TRIO: variants seen among roughly 807,000 people sequenced by gnomAD.
TRIO encodes the protein triple functional domain protein.
In TRIO, 58 loss-of-function variants were observed where a neutral mutation model predicts 351.9. That is an observed-to-expected ratio of 0.16 (90% CI 0.13 to 0.21). The LOEUF is 0.21. TRIO is among the 10% of genes least tolerant of loss of function. TRIO has a pLI of 1.00. For missense variants in TRIO, 3,201 were observed against 4,027.8 expected, an observed-to-expected ratio of 0.79 and a Z score of 5.56; for synonymous variants, 1,758 against 1,595.7, an observed-to-expected ratio of 1.10 and a Z score of -2.42.
At chr5:14,343,088 G>A (rs1199584154) in intron 11 of TRIO, among the ~76,000 whole-genome samples, 1 of 64,792 alleles carries the variant, frequency 1.5e-5, no homozygotes, top group African/African-American at 5.4e-5. Context: ...ACAGAAAGTT[G>A]CAAAAAAAAA....
At chr5:14,220,384 C>G in intron 1 of TRIO, among the ~76,000 whole-genome samples, 1 of 152,136 alleles carries the variant, frequency 6.6e-6, no homozygotes. Flanking sequence ...ATTTTTGAGA[C>G]ACAACGATAT....
chr5:14,387,788 A>G lies in TRIO; in HGVS notation c.3822A>G (p.Lys1274=). The G allele has an allele frequency of 6.2e-7, 1 of 1,614,216 alleles. No homozygotes were observed. Among genetic ancestry groups the G allele is most frequent in the Non-Finnish European group, 8.5e-7 (1 of 1,180,032 alleles). The change falls in exon 23 of 57, where the codon AAA becomes AAG. Residue 1274 remains lysine (K), a synonymous_variant. Transcript: ENST00000344204. ...IPASIPGSEV[K]LRDAAHELNE... ...CCAGTATCCCTGGCTCAGAGGTGAA[A>G]CTTCGAGATGCTGCTCATGAACTTA...
chr5:14,272,304 C>T (rs964761692), intron 2 of TRIO, among the ~76,000 whole-genome samples: 20 of 152,160 alleles, frequency 1.3e-4, no homozygotes, highest in African/African-American at 4.3e-4. Context: ...GATAACAGCA[C>T]CTGCTCCCCC....
At chr5:14,175,740 A>T (rs986345849) in intron 1 of TRIO, among the ~76,000 whole-genome samples, 1 of 152,240 alleles carries the variant, frequency 6.6e-6, no homozygotes, top group African/African-American at 2.4e-5. Context: ...ACAATAATGT[A>T]GCCTATTTCT....
chr5:14,269,705 G>T (rs549044235), intron 1 of TRIO, among the ~76,000 whole-genome samples: 1 of 149,878 alleles, frequency 6.7e-6, no homozygotes, highest in East Asian at 2.1e-4. Context: ...GGGCTTGCCC[G>T]GGAGTTGCTG....
At chr5:14,310,813 G>A (rs1738856221) in intron 8 of TRIO, among the ~76,000 whole-genome samples, 2 of 152,172 alleles carry the variant, frequency 1.3e-5, no homozygotes, top group Admixed American at 6.5e-5. Flanking sequence ...AGCCTCCTGA[G>A]CAGCTGGGAT....
chr5:14,231,848 T>C (rs1454051606), intron 1 of TRIO, among the ~76,000 whole-genome samples: 1 of 72,480 alleles, frequency 1.4e-5, no homozygotes, highest in Admixed American at 1.2e-4. Flanking sequence ...TGACTGATTT[T>C]TTTTTTTTTT....
chr5:14,492,596 C>T lies in TRIO; in HGVS notation c.7662C>T (p.Ser2554=). 6.2e-7 allele frequency: 1 copy of T among 1,614,154 alleles called. No individual in the cohort carries two copies. Among genetic ancestry groups the T allele is most frequent in the Non-Finnish European group, 8.5e-7 (1 of 1,180,030 alleles). ...GSESSSSSNI[S]TMLVTHDYTA... ...AAAGCAGCAGCAGTAGCAACATCTCCACCATGTTGGTGACACACGATTACA... is the reference window on the plus strand; with the variant it reads ...AAAGCAGCAGCAGTAGCAACATCTCTACCATGTTGGTGACACACGATTACA... Residue 2554 remains serine, a synonymous_variant, in exon 49 of 57, where the codon TCC becomes TCT. Transcript: ENST00000344204.
intron 1 of TRIO, among the ~76,000 whole-genome samples, chr5:14,148,221 C>T (rs1160264597): frequency 1.3e-5 from 2 of 152,204 alleles, no homozygotes; most frequent in African/African-American, 2.4e-5. Flanking sequence ...CAAAATGAAG[C>T]ATGTGGTTTA....
intron 51 of TRIO, 51 bp from the exon 52 acceptor site, chr5:14,498,038 T>TGGAGGAGGAGCCAGGGGAGGA (rs779412982): frequency 1.2e-6 from 2 of 1,612,752 alleles, no homozygotes; most frequent in Admixed American, 1.7e-5. Context: ...TGGGTGGGTG[T>TGGAGGAGGAGCCAGGGGAGGA]GGAGGAGGAG....
At chr5:14,425,840 G>A (rs1010409911) in intron 34 of TRIO, among the ~76,000 whole-genome samples, 2 of 152,108 alleles carry the variant, frequency 1.3e-5, no homozygotes, top group Non-Finnish European at 2.9e-5. Context: ...CTCTGCCAGC[G>A]CCTGGATCTC....
intron 2 of TRIO, among the ~76,000 whole-genome samples, chr5:14,275,080 G>A (rs1055351672): frequency 2.6e-5 from 4 of 152,124 alleles, no homozygotes; most frequent in Non-Finnish European, 5.9e-5. Context: ...AAATGATATC[G>A]TGACTTTATA....
chr5:14,397,995 G>A (rs1043720547), intron 29 of TRIO, among the ~76,000 whole-genome samples: 35 of 152,146 alleles, frequency 2.3e-4, no homozygotes, highest in African/African-American at 8.4e-4. Flanking sequence ...CAGGAAGTGG[G>A]GAAGAAAGTC....
intron 11 of TRIO, among the ~76,000 whole-genome samples, chr5:14,346,125 G>A (rs908837579): frequency 1.3e-5 from 2 of 152,180 alleles, no homozygotes; most frequent in African/African-American, 4.8e-5. Flanking sequence ...TGGAGAGACT[G>A]GTAAGGCTTT....
Position 14,396,830 on chromosome 5 carries a change from G to A in TRIO, c.4312-213G>A, listed in dbSNP as rs40572. Among the ~76,000 whole-genome samples the A allele has an allele frequency of 0.24, 36,070 of 151,916 alleles. 4,743 individuals carry two copies. Among genetic ancestry groups the A allele is most frequent in the Middle Eastern group, 0.37 (110 of 294 alleles). ...GTATACTAATTTCATCTTAAACTGT[G>A]AATACATCTGGCTTACTCTGATTAG... On this transcript the variant is annotated intron_variant, in intron 28 of 56. Transcript: ENST00000344204.
chr5:14,305,761 T>A (rs1006376665), intron 8 of TRIO, among the ~76,000 whole-genome samples: 1 of 152,220 alleles, frequency 6.6e-6, no homozygotes, highest in Non-Finnish European at 1.5e-5. Context: ...CTGAGCGAAT[T>A]AAATGGACAT....
chr5:14,321,549 C>A (rs895867381), intron 9 of TRIO, among the ~76,000 whole-genome samples: 1 of 152,224 alleles, frequency 6.6e-6, no homozygotes, highest in Non-Finnish European at 1.5e-5. Flanking sequence ...TGAACTTTAC[C>A]CATTTCACCT....
chr5:14,348,536 G>A (rs934084263), intron 11 of TRIO, among the ~76,000 whole-genome samples: 2 of 152,234 alleles, frequency 1.3e-5, no homozygotes, highest in African/African-American at 4.8e-5. Flanking sequence ...TTTCCTGCTT[G>A]TATATGTGTG....
intron 48 of TRIO, chr5:14,489,281 A>G: frequency 6.8e-6 from 3 of 443,614 alleles, no homozygotes; most frequent in Non-Finnish European, 1.2e-5. Flanking sequence ...ATTTTGTTAA[A>G]CTTTAATTGG....
Sources: allele counts gnomAD v4.1 joint callset (sites outside exome capture counted in the v4.1 genomes callset), GRCh38; gene constraint gnomAD v4.1.1; transcripts MANE v1.5; gene names NCBI Gene and HGNC (gene_info 2026-07-23, HGNC 2026-07-21).